The following DNM3 variants were observed in gnomAD, a reference collection of about 807,000 sequenced individuals.
DNM3 encodes the protein dynamin 3.
A neutral mutation model predicts 101.6 loss-of-function variants in DNM3; 47 were observed. The ratio of observed to expected loss-of-function variants is 0.46; its 90% CI spans 0.37 to 0.59. DNM3 has a LOEUF of 0.59. Among genes scored for constraint, DNM3 ranks in the 20% least tolerant of loss-of-function variants. DNM3 has a pLI of 0.00. For missense variants in DNM3, 849 were observed against 1,085.7 expected, an observed-to-expected ratio of 0.78 and a Z score of 3.06; for synonymous variants, 385 against 387.9, an observed-to-expected ratio of 0.99 and a Z score of 0.09.
intron 7 of DNM3, among the ~76,000 whole-genome samples, chr1:172,041,735 A>G (rs1257605273): frequency 6.6e-6 from 1 of 152,200 alleles, no homozygotes; most frequent in African/African-American, 2.4e-5. Flanking sequence ...AGTGTTCTTT[A>G]AATACCATTT....
At chr1:171,866,400 C>A (rs1297766864) in intron 1 of DNM3, among the ~76,000 whole-genome samples, 1 of 151,968 alleles carries the variant, frequency 6.6e-6, no homozygotes, top group Non-Finnish European at 1.5e-5. Context: ...TACTTTCTCT[C>A]CTTTGTGTCA....
chr1:171,972,469 T>C (rs2044062781), intron 2 of DNM3, among the ~76,000 whole-genome samples: 1 of 152,328 alleles, frequency 6.6e-6, no homozygotes, highest in African/African-American at 2.4e-5. Context: ...CCTTGTTAGG[T>C]TGTTTTGATA....
intron 14 of DNM3, among the ~76,000 whole-genome samples, chr1:172,220,692 CA>C (rs757395029): frequency 6.6e-6 from 1 of 152,068 alleles, no homozygotes; most frequent in Non-Finnish European, 1.5e-5. Flanking sequence ...GAAGGGAAAG[CA>C]GTGTGTTTAA....
At chr1:172,404,805 A>G (rs566691789) in intron 20 of DNM3, among the ~76,000 whole-genome samples, 1 of 152,220 alleles carries the variant, frequency 6.6e-6, no homozygotes, top group African/African-American at 2.4e-5. Context: ...ACTTAAAATG[A>G]AGTACTATAA....
At chr1:171,887,806 A>G (rs1253038566) in intron 1 of DNM3, among the ~76,000 whole-genome samples, 1 of 152,042 alleles carries the variant, frequency 6.6e-6, no homozygotes, top group East Asian at 1.9e-4. Context: ...TTCATTATTA[A>G]TTTATTGTAA....
At chr1:171,966,294 C>T (rs1051969669) in intron 2 of DNM3, among the ~76,000 whole-genome samples, 12 of 152,206 alleles carry the variant, frequency 7.9e-5, no homozygotes, top group African/African-American at 2.7e-4. Context: ...GGCACAGAAG[C>T]TTCCCTCTCC....
At chr1:172,236,096 C>G (rs2061534881) in intron 14 of DNM3, among the ~76,000 whole-genome samples, 1 of 152,160 alleles carries the variant, frequency 6.6e-6, no homozygotes, top group African/African-American at 2.4e-5. Flanking sequence ...CAGTGCTCCA[C>G]TCCAAAATGT....
At chr1:172,201,498 G>A (rs765567625) in intron 14 of DNM3, among the ~76,000 whole-genome samples, 7 of 152,196 alleles carry the variant, frequency 4.6e-5, no homozygotes, top group Non-Finnish European at 8.8e-5. Flanking sequence ...ATTGCTCAGT[G>A]CAATCAGCCC....
chr1:171,979,659 C>G (rs556599881), intron 2 of DNM3, among the ~76,000 whole-genome samples: 2 of 152,288 alleles, frequency 1.3e-5, no homozygotes, highest in African/African-American at 4.8e-5. Flanking sequence ...TGGCCTTGGT[C>G]TTGTCCACCA....
intron 14 of DNM3, among the ~76,000 whole-genome samples, chr1:172,179,444 A>C (rs1451335858): frequency 6.6e-6 from 1 of 152,038 alleles, no homozygotes; most frequent in East Asian, 1.9e-4. Context: ...AATTATCATT[A>C]AAGTGATTTA....
intron 14 of DNM3, among the ~76,000 whole-genome samples, chr1:172,157,193 C>T (rs1227252617): frequency 2.6e-5 from 4 of 152,158 alleles, no homozygotes; most frequent in East Asian, 3.9e-4. Flanking sequence ...TGGGAGACAG[C>T]GACAGATCAT....
At chr1:172,172,851 A>T (rs2148350818) in intron 14 of DNM3, among the ~76,000 whole-genome samples, 1 of 151,970 alleles carries the variant, frequency 6.6e-6, no homozygotes, top group South Asian at 2.1e-4. Flanking sequence ...ACAAACGGTG[A>T]TGCAGTGCTG....
chr1:171,871,647 A>G (rs1412634513), intron 1 of DNM3, among the ~76,000 whole-genome samples: 1 of 152,164 alleles, frequency 6.6e-6, no homozygotes, highest in Non-Finnish European at 1.5e-5. Context: ...TATATTAGTG[A>G]CCATATAAGT....
intron 15 of DNM3, 62 bp from the exon 16 acceptor site, chr1:172,308,666 C>T (rs764505712): frequency 1.2e-5 from 10 of 840,696 alleles, no homozygotes; most frequent in Non-Finnish European, 1.4e-5. Context: ...TCTACAGCAA[C>T]ATAAAATGAC....
intron 2 of DNM3, among the ~76,000 whole-genome samples, chr1:171,945,919 G>GTT (rs1286973113): frequency 1.3e-5 from 2 of 152,188 alleles, no homozygotes; most frequent in Non-Finnish European, 2.9e-5. Context: ...GAATCCCACG[G>GTT]TAAGGCAGTT....
At chr1:171,898,288 C>A (rs1380548271) in intron 1 of DNM3, among the ~76,000 whole-genome samples, 1 of 152,144 alleles carries the variant, frequency 6.6e-6, no homozygotes, top group East Asian at 1.9e-4. Flanking sequence ...TCATTTTGAA[C>A]CTAATTTCAC....
At chr1:172,029,508 C>A (rs2048450190) in intron 4 of DNM3, among the ~76,000 whole-genome samples, 1 of 152,138 alleles carries the variant, frequency 6.6e-6, no homozygotes, top group Non-Finnish European at 1.5e-5. Flanking sequence ...AACAAGGATG[C>A]CTTCTCTCAC....
Position 172,377,571 on chromosome 1 carries a change from T to TATATATATATATATATATATAC in DNM3, c.1894-1437_1894-1436insATATATATATACATATATATAT, listed in dbSNP as rs1426874642. The stretch of plus-strand genomic sequence containing the variant: ...TATATATCATATATATATATATATA[T>TATATATATATATATATATATAC]ATATATATATTTCATAATCACTTTA... On this transcript the variant is annotated intron_variant, in intron 17 of 20. Coordinates refer to ENST00000627582, the MANE Select transcript of DNM3 (RefSeq NM_015569.5). Among the ~76,000 whole-genome samples the TATATATATATATATATATATAC allele has an allele frequency of 2.1e-5, 3 of 146,024 alleles. 1 individual carries two copies. The highest frequency in any genetic ancestry group is 7.6e-5 in the African/African-American group (3 of 39,286).
intron 14 of DNM3, among the ~76,000 whole-genome samples, chr1:172,148,040 T>C (rs1377581272): frequency 1.3e-5 from 2 of 152,104 alleles, no homozygotes; most frequent in Non-Finnish European, 2.9e-5. Flanking sequence ...TTAAACATTA[T>C]TTCATCAGAG....
Sources: allele counts gnomAD v4.1 joint callset (sites outside exome capture counted in the v4.1 genomes callset), GRCh38; gene constraint gnomAD v4.1.1; transcripts MANE v1.5; gene names NCBI Gene and HGNC (gene_info 2026-07-23, HGNC 2026-07-21).